Variants in NAV1 observed in about 807,000 individuals in gnomAD.
NAV1 encodes pore membrane and/or filament interacting like protein 3.
In NAV1, 18 loss-of-function variants were observed where a neutral mutation model predicts 175.2. That is an observed-to-expected ratio of 0.10 (90% confidence interval 0.07 to 0.15). NAV1 has a LOEUF of 0.15. Ranked by LOEUF, NAV1 falls within the 10% of genes least tolerant of loss-of-function variation. The pLI is 1.00. For synonymous variants in NAV1, 897 were observed against 978.7 expected, an observed-to-expected ratio of 0.92 and a Z score of 1.56; for missense variants, 1,731 against 2,436.6, an observed-to-expected ratio of 0.71 and a Z score of 6.10.
exon 30 of NAV1, chr1:201,825,039 A>G (rs1260812332): frequency 6.6e-6 from 1 of 152,228 alleles, no homozygotes; most frequent in Non-Finnish European, 1.5e-5. Flanking sequence ...TTCAGACTTT[A>G]ACATTAATTT....
chr1:201,800,064 A>G (rs756014257), intron 15 of NAV1, among the ~76,000 whole-genome samples: 4 of 152,020 alleles, frequency 2.6e-5, no homozygotes, highest in African/African-American at 9.7e-5. Flanking sequence ...CAGTGGTGCT[A>G]TCGCAGCTCA....
At chr1:201,822,904 A>C (rs1259640671) in exon 30 of NAV1, 1 of 152,598 alleles carries the variant, frequency 6.6e-6, no homozygotes, top group African/African-American at 2.4e-5. Flanking sequence ...ACTCATCCAG[A>C]CTTCTCTGAA....
intron 10 of NAV1, among the ~76,000 whole-genome samples, chr1:201,789,085 A>G (rs1676947590): frequency 6.6e-6 from 1 of 152,224 alleles, no homozygotes; most frequent in Admixed American, 6.5e-5. Context: ...AAAGATGAGC[A>G]TCAGGGAGGG....
chr1:201,598,463 G>T (rs1047620876), intron 2 of NAV1, among the ~76,000 whole-genome samples: 2 of 152,186 alleles, frequency 1.3e-5, no homozygotes, highest in Admixed American at 6.5e-5. Flanking sequence ...GGTGGAAATG[G>T]TGTGAGTGGG....
At chr1:201,686,329 A>G (rs1001930133) in intron 1 of NAV1, among the ~76,000 whole-genome samples, 1 of 150,960 alleles carries the variant, frequency 6.6e-6, no homozygotes, top group Non-Finnish European at 1.5e-5. Context: ...CCCCCAGGGT[A>G]CCATGCTCTA....
chr1:201,669,637 G>C (rs894650030), intron 1 of NAV1, among the ~76,000 whole-genome samples: 2 of 152,240 alleles, frequency 1.3e-5, no homozygotes, highest in African/African-American at 4.8e-5. Flanking sequence ...TGAGGCTGCT[G>C]TGGGGAGAGT....
chr1:201,769,780 T>G (rs944844297), intron 3 of NAV1, among the ~76,000 whole-genome samples: 1 of 152,200 alleles, frequency 6.6e-6, no homozygotes, highest in Non-Finnish European at 1.5e-5. Context: ...AAGAAAACTC[T>G]CAGCTGTTAA....
At chr1:201,637,080 C>T (rs1668634986) in intron 2 of NAV1, among the ~76,000 whole-genome samples, 1 of 152,152 alleles carries the variant, frequency 6.6e-6, no homozygotes, top group Non-Finnish European at 1.5e-5. Context: ...AATATGAGTC[C>T]ATGGCATTCC....
rs1673308950 is a variant in NAV1 at position 201,740,073 on chromosome 1, G to T, written c.1226+21318G>T. 5.4e-6 allele frequency: 8 copies of T among 1,473,104 alleles called. No homozygotes were observed. The highest frequency in any genetic ancestry group is 2.8e-5 in the East Asian group (1 of 36,006). The allele number at this position is 1,473,104 out of a possible 1,614,324, so 91.3% of individuals were successfully genotyped here. On this transcript the variant is annotated intron_variant, in intron 3 of 29. Coordinates refer to ENST00000367296, the Ensembl canonical transcript of NAV1. The surrounding 1 kb of genome is among the most constrained non-coding windows in gnomAD (Gnocchi z 4.7). ...TCCGGAAGAACGGTGAATTTCCCCC[G>T]CAGGTAAGCGCCCCCACCCCCCTGG...
At chr1:201,621,520 C>T (rs1203201630), upstream of NAV1, among the ~76,000 whole-genome samples, 3 of 150,292 alleles carry the variant, frequency 2.0e-5, no homozygotes, top group African/African-American at 4.9e-5. Flanking sequence ...TTAGTAGAGA[C>T]GGGGTTTCAT....
upstream of NAV1, among the ~76,000 whole-genome samples, chr1:201,621,120 A>G (rs1403973427): frequency 6.6e-6 from 1 of 151,440 alleles, no homozygotes; most frequent in Non-Finnish European, 1.5e-5. Flanking sequence ...TTTTGTAGAG[A>G]TGTTGCCCAG....
intron 1 of NAV1, among the ~76,000 whole-genome samples, chr1:201,563,958 A>G (rs774144507): frequency 1.3e-5 from 2 of 152,014 alleles, no homozygotes; most frequent in African/African-American, 2.4e-5. Flanking sequence ...TTAGCCAGGC[A>G]TGGTAGTGTG....
intron 2 of NAV1, among the ~76,000 whole-genome samples, chr1:201,612,398 G>A (rs1667874205): frequency 6.6e-6 from 1 of 152,220 alleles, no homozygotes; most frequent in Non-Finnish European, 1.5e-5. Context: ...AGGATGCAGT[G>A]AGCAGTGATA....
intron 1 of NAV1, among the ~76,000 whole-genome samples, chr1:201,712,128 C>T (rs1671933419): frequency 6.6e-6 from 1 of 152,168 alleles, no homozygotes. Flanking sequence ...TCATCCCTTC[C>T]ACCTCCCACC....
At chr1:201,778,246 G>C (rs773357184) in intron 3 of NAV1, among the ~76,000 whole-genome samples, 15 of 152,106 alleles carry the variant, frequency 9.9e-5, no homozygotes, top group Non-Finnish European at 1.8e-4. Flanking sequence ...CATAAATGTG[G>C]GGCAAAGGAA....
At chr1:201,602,607 C>A (rs1053036572) in intron 2 of NAV1, among the ~76,000 whole-genome samples, 12 of 149,152 alleles carry the variant, frequency 8.0e-5, no homozygotes, top group Middle Eastern at 3.5e-3. Context: ...GGTTTACAGG[C>A]TTGAGCCACT....
Position 201,783,389 on chromosome 1 carries a change from G to C in NAV1, c.2358-17G>C, listed in dbSNP as rs188513558. 38 of 1,608,480 alleles carry C rather than the reference G, an allele frequency of 2.4e-5. No homozygotes were observed. The highest frequency in any genetic ancestry group is 1.7e-4 in the Middle Eastern group (1 of 6,060). Reference sequence around the variant, plus strand: ...GTAATTCTATTATTCTAAATATTTCGTTTGATCTTCTCTCAGGGCCACAGC... The same window carrying C: ...GTAATTCTATTATTCTAAATATTTCCTTTGATCTTCTCTCAGGGCCACAGC... On this transcript the variant is annotated splice_polypyrimidine_tract_variant and intron_variant, in intron 6 of 29. Coordinates refer to ENST00000367296, the Ensembl canonical transcript of NAV1.
chr1:201,804,575 C>A, intron 17 of NAV1, 78 bp downstream of exon 21: 1 of 978,174 alleles, frequency 1.0e-6, no homozygotes, highest in Non-Finnish European at 1.5e-6. Context: ...CAACTCCCTT[C>A]CCCTAAAAAA....
At chr1:201,629,033 C>G (rs1668414046) in intron 1 of NAV1, among the ~76,000 whole-genome samples, 1 of 152,214 alleles carries the variant, frequency 6.6e-6, no homozygotes, top group Non-Finnish European at 1.5e-5. Context: ...TACATACATG[C>G]TCATCCTGAG....
Sources: allele counts gnomAD v4.1 joint callset (sites outside exome capture counted in the v4.1 genomes callset), GRCh38; gene constraint gnomAD v4.1.1; non-coding constraint Gnocchi (gnomAD v3.1); transcripts MANE v1.5; gene names NCBI Gene and HGNC (gene_info 2026-07-23, HGNC 2026-07-21).